Variants in SIPA1L3 observed in about 807,000 individuals in gnomAD.
SIPA1L3 encodes the protein signal-induced proliferation-associated 1-like protein 3.
A neutral mutation model predicts 150.1 loss-of-function variants in SIPA1L3; 59 were observed. The ratio of observed to expected loss-of-function variants is 0.39; its 90% CI spans 0.32 to 0.49. The LOEUF (loss-of-function observed/expected upper bound fraction) is 0.49. SIPA1L3 is among the 20% of genes least tolerant of loss of function. The probability of loss-of-function intolerance (pLI) is 0.86; values close to 1 mark genes in which losing one functional copy is unlikely to be tolerated. For synonymous variants in SIPA1L3, 1,070 were observed against 1,077.6 expected (o/e 0.99, Z 0.14); for missense variants, 2,211 against 2,489.5 (o/e 0.89, Z 2.38).
At chr19:37,971,086 T>A (rs1003958140) in intron 1 of SIPA1L3, among the ~76,000 whole-genome samples, 20 of 152,050 alleles carry the variant, frequency 1.3e-4, no homozygotes, top group Non-Finnish European at 2.6e-4. Context: ...GTGTTAAAAT[T>A]TGCCCTTTTT....
rs1006430871 is a variant in SIPA1L3, at chr19:38,046,360, C to T, written c.-311+17204C>T. On this transcript the variant is annotated intron_variant, in intron 2 of 21. Transcript: ENST00000222345. The surrounding 1 kb of genome is among the most constrained non-coding windows in gnomAD (Gnocchi z 5.6). The stretch of plus-strand genomic sequence containing the variant: ...GCCCAGCGCTGCCAGCAGCCTGTCC[C>T]CCCTCCTCATTTCCCTATTTCTTTT... 6.6e-6 allele frequency among the ~76,000 whole-genome samples: 1 copy of T among 152,150 alleles called. No individual in the cohort carries two copies. Among genetic ancestry groups the T allele is most frequent in the Non-Finnish European group, 1.5e-5 (1 of 68,032 alleles).
intron 1 of SIPA1L3, among the ~76,000 whole-genome samples, chr19:37,918,831 A>G (rs1207019518): frequency 6.6e-6 from 1 of 151,880 alleles, no homozygotes; most frequent in Non-Finnish European, 1.5e-5. Context: ...AGATCACACC[A>G]CTGCACTCCA....
intron 7 of SIPA1L3, among the ~76,000 whole-genome samples, chr19:38,107,529 C>A (rs995100513): frequency 2.0e-5 from 3 of 152,240 alleles, no homozygotes; most frequent in African/African-American, 7.2e-5. Context: ...GCCCACAGAG[C>A]AATTCTTCCA....
At chr19:38,060,723 C>T (rs868390601) in intron 2 of SIPA1L3, among the ~76,000 whole-genome samples, 2 of 152,160 alleles carry the variant, frequency 1.3e-5, no homozygotes, top group Non-Finnish European at 2.9e-5. Context: ...CAGAGTTTCG[C>T]TCTTGTTGCC....
chr19:38,103,869 T>G (rs1600075458), intron 6 of SIPA1L3, among the ~76,000 whole-genome samples: 1 of 122,792 alleles, frequency 8.1e-6, no homozygotes. Flanking sequence ...ACCACCGCAC[T>G]CCAGCCTGGG....
chr19:38,200,323 T>C (rs1486056322), intron 19 of SIPA1L3: 1 of 152,022 alleles, frequency 6.6e-6, no homozygotes, highest in Non-Finnish European at 1.5e-5. Context: ...TAGGCTGGAG[T>C]ATGCTGTTCT....
intron 2 of SIPA1L3, among the ~76,000 whole-genome samples, chr19:38,054,359 C>A (rs1375350796): frequency 6.6e-6 from 1 of 152,184 alleles, no homozygotes; most frequent in Non-Finnish European, 1.5e-5. Flanking sequence ...GTAATCCCAG[C>A]ACTTTGGGAG....
intron 1 of SIPA1L3, among the ~76,000 whole-genome samples, chr19:38,011,348 C>T (rs749632892): frequency 2.0e-5 from 3 of 152,084 alleles, no homozygotes; most frequent in South Asian, 2.1e-4. Context: ...TGGTGATGTG[C>T]GCCTGTAGTC....
intron 1 of SIPA1L3, among the ~76,000 whole-genome samples, chr19:38,006,524 G>A (rs577129242): frequency 6.6e-6 from 1 of 152,302 alleles, no homozygotes; most frequent in Non-Finnish European, 1.5e-5. Flanking sequence ...TGTAGAAACA[G>A]GAAATGCGTC....
At chr19:37,909,755 G>A (rs1323884831) in intron 1 of SIPA1L3, among the ~76,000 whole-genome samples, 1 of 152,088 alleles carries the variant, frequency 6.6e-6, no homozygotes, top group African/African-American at 2.4e-5. Context: ...GTGGGAGGGT[G>A]GCCATCCTGG....
chr19:38,207,993 C>T lies in SIPA1L3; in HGVS notation c.*1753C>T, dbSNP rs985930422. The T allele has an allele frequency of 3.4e-5, 5 of 148,070 alleles. No individual in the cohort carries two copies. The highest frequency in any genetic ancestry group is 2.0e-4 in the Admixed American group (3 of 14,706). The allele number at this position is 148,070 out of a possible 1,614,324, so 9.2% of individuals were successfully genotyped here. A position where few individuals can be genotyped will look rare whatever the true frequency, so the allele number is the denominator to read the frequency against. On this transcript the variant is annotated 3_prime_UTR_variant, in exon 22 of 22. Transcript: ENST00000222345. ...CATCCCCTTCTCTGGGGGGCCCACC[C>T]GTCCCCCACCCCCACCCCTTAGACC...
At chr19:38,183,344 AGGGGCGGGAGCAGGGTG>A (rs1010354347) in intron 16 of SIPA1L3, among the ~76,000 whole-genome samples, 1 of 138,614 alleles carries the variant, frequency 7.2e-6, no homozygotes, top group Admixed American at 7.1e-5. Context: ...GCGCAGACGA[AGGGGCGGGAGCAGGGTG>A]GGGGCGGAGA....
chr19:38,201,372 T>G (rs1022931944), intron 19 of SIPA1L3, among the ~76,000 whole-genome samples: 3 of 152,254 alleles, frequency 2.0e-5, no homozygotes, highest in South Asian at 2.1e-4. Flanking sequence ...GTCTTCAATA[T>G]GCATGATGTG....
intron 4 of SIPA1L3, among the ~76,000 whole-genome samples, chr19:38,093,774 C>T (rs1321101299): frequency 1.3e-5 from 2 of 152,128 alleles, no homozygotes; most frequent in Admixed American, 1.3e-4. Context: ...CATCTCCCAG[C>T]AGATGGGATA....
In SIPA1L3 at chr19:38,162,739, G is replaced by T. The variant is rs754141792; in HGVS notation, c.3780+368G>T. ...GTGAGCATCTACCCGCCATTCACGT[G>T]GTGATTCAGAGCCCAGGCTCCCTCC... is the stretch of plus-strand genomic sequence containing the variant. On this transcript the variant is annotated intron_variant, in intron 14 of 21. Transcript: ENST00000222345. 7.6e-4 allele frequency among the ~76,000 whole-genome samples: 115 copies of T among 152,236 alleles called. 1 individual carries two copies. The highest frequency in any genetic ancestry group is 5.4e-4 in the Non-Finnish European group (37 of 68,040).
intron 4 of SIPA1L3, among the ~76,000 whole-genome samples, chr19:38,098,878 G>C (rs2145854597): frequency 6.6e-6 from 1 of 152,322 alleles, no homozygotes; most frequent in East Asian, 1.9e-4. Flanking sequence ...TTAAAAATAT[G>C]CCATGTATGC....
chr19:38,176,458 G>A (rs1446756621), intron 15 of SIPA1L3, among the ~76,000 whole-genome samples: 1 of 151,310 alleles, frequency 6.6e-6, no homozygotes, highest in Non-Finnish European at 1.5e-5. Flanking sequence ...ATCCAATGGT[G>A]CAGTCATGCC....
chr19:38,106,587 A>T lies in SIPA1L3; in HGVS notation c.2080A>T (p.Ile694Phe), dbSNP rs1970628586. 2 of 1,614,100 alleles carry T rather than the reference A, an allele frequency of 1.2e-6. No individual in the cohort carries two copies. Among genetic ancestry groups the T allele is most frequent in the Non-Finnish European group, 1.7e-6 (2 of 1,179,974 alleles). The change falls in exon 7 of 22, where the codon ATC becomes TTC. Residue 694 changes from isoleucine (I) to phenylalanine (F), a missense_variant. Ile to Phe is a conservative substitution (Grantham distance 21). Coordinates refer to ENST00000222345, the MANE Select transcript of SIPA1L3 (RefSeq NM_015073.3). ...SLYTMYQDYE[I>F]MFHVSTLLPY... is the part of the protein sequence containing the mutation. ...CTACACGATGTACCAGGACTACGAG[A>T]TCATGTTCCATGTCTCCACCCTGCT... is the stretch of plus-strand genomic sequence containing the variant.
chr19:38,027,251 G>T (rs1056539137), intron 1 of SIPA1L3, among the ~76,000 whole-genome samples: 1 of 152,140 alleles, frequency 6.6e-6, no homozygotes, highest in African/African-American at 2.4e-5. Flanking sequence ...TGGCGCCACT[G>T]TACTCCAGCC....
Sources: allele counts gnomAD v4.1 joint callset (sites outside exome capture counted in the v4.1 genomes callset), GRCh38; gene constraint gnomAD v4.1.1; non-coding constraint Gnocchi (gnomAD v3.1); transcripts MANE v1.5; gene names NCBI Gene and HGNC (gene_info 2026-07-23, HGNC 2026-07-21).